TLE2: variants seen among roughly 807,000 people sequenced by gnomAD.
TLE2 encodes the protein transducin-like enhancer protein 2.
A neutral mutation model predicts 97.2 loss-of-function variants in TLE2; 74 were observed. The observed-to-expected ratio is 0.76, with a 90% CI of 0.63 to 0.92. The LOEUF (loss-of-function observed/expected upper bound fraction) is 0.92. TLE2 is among the 40% of genes least tolerant of loss of function. TLE2 has a pLI of 0.00. For synonymous variants in TLE2, 499 were observed against 432.1 expected, an observed-to-expected ratio of 1.15 and a Z score of -1.92; for missense variants, 1,038 against 1,008.7, an observed-to-expected ratio of 1.03 and a Z score of -0.39.
In TLE2 at chr19:3,039,340, A is replaced by T. The variant is rs146246666; in HGVS notation, c.63+6386T>A. ...CAAACTCCCTACCTCTGTCTATGTG[A>T]TCTGACTTCCATCGCCTCCCTCCTC... On this transcript the variant is annotated intron_variant, in intron 1 of 18. Coordinates refer to the TLE2 transcript ENST00000426948. 3.0e-4 allele frequency among the ~76,000 whole-genome samples: 45 copies of T among 151,656 alleles called. No homozygotes were observed. In the East Asian group the frequency reaches 8.4e-3, roughly 28 times the overall value.
intron 13 of TLE2, among the ~76,000 whole-genome samples, chr19:3,009,290 G>A (rs999124942): frequency 6.6e-6 from 1 of 152,206 alleles, no homozygotes; most frequent in African/African-American, 2.4e-5. Flanking sequence ...AGTGTCCCGA[G>A]GCCAAGGCCC....
Position 3,019,975 on chromosome 19 carries a change from A to G in TLE2, c.295-202T>C. The stretch of plus-strand genomic sequence containing the variant: ...CACACGGAGAAAGAAACCAAACCTA[A>G]GTGCAGGTAGAATAGTTACAAATCA... On this transcript the variant is annotated intron_variant, in intron 5 of 19. Transcript: ENST00000262953. This position sits in a 1 kb window ranked among gnomAD's most constrained non-coding sequence, Gnocchi z 5.1. 1 of 697,076 alleles carries G rather than the reference A, an allele frequency of 1.4e-6. No homozygotes were observed. Among genetic ancestry groups the G allele is most frequent in the Non-Finnish European group, 2.4e-6 (1 of 425,056 alleles). The allele number at this position is 697,076 out of a possible 1,614,324, so 43.2% of individuals were successfully genotyped here.
upstream of TLE2, among the ~76,000 whole-genome samples, chr19:3,047,289 G>C (rs1392441836): frequency 1.4e-5 from 2 of 146,142 alleles, no homozygotes; most frequent in Non-Finnish European, 3.0e-5. Flanking sequence ...GCGGCGGGGA[G>C]GGGGCTCGGA....
At chr19:3,024,896 G>C (rs2089913227) in intron 5 of TLE2, 124 bp downstream of exon 5, 1 of 811,830 alleles carries the variant, frequency 1.2e-6, no homozygotes, top group Non-Finnish European at 2.0e-6. Flanking sequence ...AGTGAAAATG[G>C]TCTCTATCCG....
intron 17 of TLE2, among the ~76,000 whole-genome samples, chr19:3,003,359 C>G (rs1017893036): frequency 3.3e-5 from 5 of 151,896 alleles, no homozygotes; most frequent in African/African-American, 9.7e-5. Flanking sequence ...AGGCCTTGGC[C>G]GGGCTCTGTG....
rs193185276 is a variant in TLE2 at position 3,027,034 on chromosome 19, G to A, written c.231+795C>T. Among the ~76,000 whole-genome samples, 11 of 152,006 alleles carry A rather than the reference G, an allele frequency of 7.2e-5. 1 individual carries two copies. Among genetic ancestry groups the A allele is most frequent in the Admixed American group, 7.2e-4 (11 of 15,202 alleles). On this transcript the variant is annotated intron_variant, in intron 4 of 19. Transcript: ENST00000262953. ...CCTGAGGTCTATCTCAGAACCTTGA[G>A]GTCTATCTCAGAAAACTGAGGTCAA...
chr19:3,031,636 C>T (rs1452713217), upstream of TLE2, among the ~76,000 whole-genome samples: 2 of 151,956 alleles, frequency 1.3e-5, no homozygotes, highest in Non-Finnish European at 2.9e-5. Flanking sequence ...GGCCAGCCAG[C>T]TTCATGATCT....
At chr19:3,027,342 A>T (rs2089964234) in intron 4 of TLE2, among the ~76,000 whole-genome samples, 1 of 152,192 alleles carries the variant, frequency 6.6e-6, no homozygotes, top group Non-Finnish European at 1.5e-5. Flanking sequence ...GGGCCTGGAG[A>T]ACAATCTTGG....
intron 4 of TLE2, among the ~76,000 whole-genome samples, chr19:3,027,134 G>A (rs2089961536): frequency 6.6e-6 from 1 of 152,134 alleles, no homozygotes; most frequent in African/African-American, 2.4e-5. Context: ...TGAACCTTGA[G>A]GTCAATCTCA....
Position 3,006,775 on chromosome 19 carries a change from GTTT to G in TLE2, c.1251-109_1251-107del, listed in dbSNP as rs1599203547. ...TGTCCTGCCTGGCACCCTCTGATGT[GTTT>G]TTTATTTTTTGTTTTGTTTTTTGAG... On this transcript the variant is annotated intron_variant, in intron 14 of 19. Coordinates refer to ENST00000262953, the MANE Select transcript of TLE2 (RefSeq NM_003260.5). 12 of 1,440,294 alleles carry G rather than the reference GTTT, an allele frequency of 8.3e-6. No individual in the cohort carries two copies. In the East Asian group the frequency reaches 2.2e-4, roughly 26 times the overall value. 89.2% of individuals were successfully genotyped at this position (1,440,294 alleles called of 1,614,324 possible).
At chr19:3,014,653 C>A in intron 9 of TLE2, 39 bp from the exon 10 acceptor site, 2 of 1,542,852 alleles carry the variant, frequency 1.3e-6, no homozygotes, top group Non-Finnish European at 1.8e-6. Flanking sequence ...TGTGGTCATG[C>A]CCCTGCCTCC....
At chr19:3,029,934 C>G (rs2090009228), upstream of TLE2, among the ~76,000 whole-genome samples, 1 of 152,096 alleles carries the variant, frequency 6.6e-6, no homozygotes, top group Admixed American at 6.6e-5. Context: ...GTAGCTGGGA[C>G]TACAGGTGTG....
Position 2,997,887 on chromosome 19 carries a change from C to T in TLE2, c.2193G>A (p.Ser731=), listed in dbSNP as rs111313851. The T allele has an allele frequency of 2.8e-5, 45 of 1,612,492 alleles. No homozygotes were observed. Among genetic ancestry groups the T allele is most frequent in the African/African-American group, 2.0e-4 (15 of 74,964 alleles). ...CATACACGGTGGCCTTCTTGTCCCC[C>T]GAGCCTGTCACGATGTATTTGTTAT... ...SRNNKYIVTG[S]GDKKATVYEV... Residue 731 remains serine, a synonymous_variant, in exon 20 of 20, where the codon TCG becomes TCA. Transcript: ENST00000262953.
At chr19:3,027,766 C>T (rs372750246) in intron 4 of TLE2, 63 bp downstream of exon 4, 611 of 1,559,302 alleles carry the variant, frequency 3.9e-4, no homozygotes, top group Non-Finnish European at 4.8e-4. Flanking sequence ...CACTCTGGGT[C>T]CTTCTCAGGG....
At position 3,015,641 on chromosome 19, in the gene TLE2, G is replaced by GC; in HGVS notation, c.678+11dup. The GC allele has an allele frequency of 6.3e-7, 1 of 1,594,830 alleles. No homozygotes were observed. Among genetic ancestry groups the GC allele is most frequent in the Non-Finnish European group, 8.5e-7 (1 of 1,170,686 alleles). On this transcript the variant is annotated intron_variant, in intron 9 of 19. Coordinates refer to ENST00000262953, the MANE Select transcript of TLE2 (RefSeq NM_003260.5). ...GCACGCCCATCCCAGTCCTGCACCTGCCCCCACTCACATAAGGTCCTGATG... is the reference window on the plus strand; with the variant it reads ...GCACGCCCATCCCAGTCCTGCACCTGCCCCCCACTCACATAAGGTCCTGATG...
At chr19:3,002,231 G>A (rs1223665657) in intron 18 of TLE2, 122 bp downstream of exon 18, 61 of 1,237,320 alleles carry the variant, frequency 4.9e-5, no homozygotes, top group Non-Finnish European at 6.3e-5. Flanking sequence ...ATTTGCTTTT[G>A]AGTATATAAA....
upstream of TLE2, among the ~76,000 whole-genome samples, chr19:3,046,405 C>G (rs1162706725): frequency 6.6e-6 from 1 of 152,224 alleles, no homozygotes; most frequent in African/African-American, 2.4e-5. Context: ...CTATTCCCCG[C>G]TCCTTTTCCT....
chr19:3,009,415 C>T, intron 13 of TLE2, 127 bp downstream of exon 13: 1 of 1,185,638 alleles, frequency 8.4e-7, no homozygotes. Context: ...CCCATGCATA[C>T]TTGCTGAGCC....
Position 3,015,646 on chromosome 19 carries a change from C to G in TLE2, c.678+7G>C. 1 of 1,601,166 alleles carries G rather than the reference C, an allele frequency of 6.2e-7. No individual in the cohort carries two copies. The highest frequency in any genetic ancestry group is 8.5e-7 in the Non-Finnish European group (1 of 1,174,542). On this transcript the variant is annotated splice_region_variant and intron_variant, in intron 9 of 19. Transcript: ENST00000262953. ...CCCATCCCAGTCCTGCACCTGCCCC[C>G]ACTCACATAAGGTCCTGATGGCTCC...
Sources: allele counts gnomAD v4.1 joint callset (sites outside exome capture counted in the v4.1 genomes callset), GRCh38; gene constraint gnomAD v4.1.1; non-coding constraint Gnocchi (gnomAD v3.1); transcripts MANE v1.5; gene names NCBI Gene and HGNC (gene_info 2026-07-23, HGNC 2026-07-21).